The following OSBPL6 variants were observed in gnomAD, a reference collection of about 807,000 sequenced individuals.
OSBPL6 encodes oxysterol-binding protein-related protein 6.
OSBPL6 carries 49 observed loss-of-function variants against 125.8 expected under a neutral mutation model. That is an observed-to-expected ratio of 0.39 (90% CI 0.31 to 0.49). The LOEUF (loss-of-function observed/expected upper bound fraction) is 0.49, where lower values mean the gene tolerates loss of function less well. Ranked by LOEUF, OSBPL6 falls within the 20% of genes least tolerant of loss-of-function variation. The probability of loss-of-function intolerance (pLI) is 0.88; values close to 1 mark genes in which losing one functional copy is unlikely to be tolerated. For missense variants in OSBPL6, 986 were observed against 1,135.4 expected (o/e 0.87, Z 1.89); for synonymous variants, 394 against 391.8 (o/e 1.01, Z -0.07).
At position 178,354,095 on chromosome 2, in the gene OSBPL6, A is replaced by G. The variant is rs866087105; in HGVS notation, c.1153+4706A>G. ...TGAGCTCCTGAAGGAAGCACTAAAC[A>G]TGGAAAGAAACAACTGGTACCAGCC... is the stretch of plus-strand genomic sequence containing the variant. On this transcript the variant is annotated intron_variant, in intron 12 of 24. Coordinates refer to ENST00000190611, the MANE Select transcript of OSBPL6 (RefSeq NM_032523.4). Among the ~76,000 whole-genome samples the G allele has an allele frequency of 4.6e-5, 7 of 152,354 alleles. No individual in the cohort carries two copies. In the East Asian group the frequency reaches 1.2e-3, roughly 25 times the overall value.
chr2:178,359,836 C>A (rs1692162247), intron 12 of OSBPL6, among the ~76,000 whole-genome samples: 1 of 152,178 alleles, frequency 6.6e-6, no homozygotes, highest in Non-Finnish European at 1.5e-5. Flanking sequence ...ACTTGTAATA[C>A]CAGCACTTTG....
intron 1 of OSBPL6, among the ~76,000 whole-genome samples, chr2:178,213,507 G>A: frequency 6.6e-6 from 1 of 151,960 alleles, no homozygotes; most frequent in African/African-American, 2.4e-5. Context: ...TCATCACCCT[G>A]CCCTTTTTCA....
intron 1 of OSBPL6, among the ~76,000 whole-genome samples, chr2:178,259,625 A>G (rs1187959674): frequency 6.6e-6 from 1 of 151,580 alleles, no homozygotes; most frequent in Non-Finnish European, 1.5e-5. Flanking sequence ...CATCCCACCA[A>G]AAAAAAGTCA....
At chr2:178,237,959 C>T (rs1448722903) in intron 1 of OSBPL6, among the ~76,000 whole-genome samples, 1 of 152,208 alleles carries the variant, frequency 6.6e-6, no homozygotes, top group African/African-American at 2.4e-5. Context: ...TCTGACAATA[C>T]TCATTACTGG....
rs1001073194 is a variant in OSBPL6, at chr2:178,265,047, C to CT, written c.-350-19871dup. On this transcript the variant is annotated intron_variant, in intron 1 of 24. Transcript: ENST00000190611. ...TAGTACTGGCTGATTTTTTTTTTCA[C>CT]TTTTTTTTTAGAGATGAGGTCTTAC... Among the ~76,000 whole-genome samples the CT allele has an allele frequency of 1.1e-3, 166 of 149,048 alleles. 1 individual carries two copies. The highest frequency in any genetic ancestry group is 3.5e-3 in the African/African-American group (143 of 40,536).
At chr2:178,310,410 C>T (rs1687155980) in intron 3 of OSBPL6, among the ~76,000 whole-genome samples, 2 of 117,416 alleles carry the variant, frequency 1.7e-5, no homozygotes, top group South Asian at 3.0e-4. Context: ...CAAAACTGAA[C>T]TCTTTTTTTT....
intron 1 of OSBPL6, among the ~76,000 whole-genome samples, chr2:178,200,247 CTTTTT>C (rs767677596): frequency 9.1e-6 from 1 of 109,742 alleles, no homozygotes; most frequent in African/African-American, 3.8e-5. Flanking sequence ...TTCTTCAGAC[CTTTTT>C]TTTTTTTTTT....
At chr2:178,296,096 AT>A (rs1354983182) in intron 2 of OSBPL6, among the ~76,000 whole-genome samples, 1 of 152,130 alleles carries the variant, frequency 6.6e-6, no homozygotes, top group Non-Finnish European at 1.5e-5. Flanking sequence ...ATGGGGCCCA[AT>A]TGGCAACTCG....
intron 8 of OSBPL6, among the ~76,000 whole-genome samples, chr2:178,334,116 G>A (rs1689462670): frequency 6.6e-6 from 1 of 152,156 alleles, no homozygotes; most frequent in South Asian, 2.1e-4. Flanking sequence ...AAAAATCAAG[G>A]TTAAGTCAAC....
At chr2:178,313,826 G>A (rs561308365) in intron 3 of OSBPL6, among the ~76,000 whole-genome samples, 2 of 152,190 alleles carry the variant, frequency 1.3e-5, no homozygotes, top group Admixed American at 1.3e-4. Flanking sequence ...CCCCAGCAGT[G>A]ACTCAGTGGG....
intron 1 of OSBPL6, among the ~76,000 whole-genome samples, chr2:178,255,516 G>C (rs1574646463): frequency 6.6e-6 from 1 of 152,120 alleles, no homozygotes; most frequent in Non-Finnish European, 1.5e-5. Context: ...ATGAGATTTG[G>C]GTGGGGACAC....
intron 1 of OSBPL6, among the ~76,000 whole-genome samples, chr2:178,243,634 C>T (rs1489857357): frequency 2.0e-5 from 3 of 152,152 alleles, no homozygotes; most frequent in Admixed American, 2.0e-4. Context: ...TCATTCTCCT[C>T]CATTCATTCT....
chr2:178,358,588 A>G (rs1334535824), intron 12 of OSBPL6, among the ~76,000 whole-genome samples: 1 of 152,214 alleles, frequency 6.6e-6, no homozygotes, highest in Non-Finnish European at 1.5e-5. Context: ...CACCATACAC[A>G]AAAGTGAGCT....
At chr2:178,219,105 T>G (rs1367955447) in intron 1 of OSBPL6, among the ~76,000 whole-genome samples, 1 of 152,208 alleles carries the variant, frequency 6.6e-6, no homozygotes, top group Non-Finnish European at 1.5e-5. Context: ...GTAATCCTAC[T>G]TGTCCAATTT....
chr2:178,307,798 C>T (rs1391333775), intron 3 of OSBPL6, among the ~76,000 whole-genome samples: 5 of 152,074 alleles, frequency 3.3e-5, no homozygotes, highest in Admixed American at 1.3e-4. Flanking sequence ...GCAGTTGACC[C>T]GGCTCACCCT....
chr2:178,369,651 T>A (rs924144160), intron 13 of OSBPL6, among the ~76,000 whole-genome samples: 5 of 152,184 alleles, frequency 3.3e-5, no homozygotes, highest in Non-Finnish European at 5.9e-5. Context: ...AACCTCTGAG[T>A]TCATTTCTTA....
rs145341027 is a variant in OSBPL6, at chr2:178,231,614, C to T, written c.-351+36940C>T. Among the ~76,000 whole-genome samples, 7 of 151,044 alleles carry T rather than the reference C, an allele frequency of 4.6e-5. No individual in the cohort carries two copies. In the East Asian group the frequency reaches 1.4e-3, roughly 29 times the overall value. On this transcript the variant is annotated intron_variant, in intron 1 of 24. Coordinates refer to ENST00000190611, the MANE Select transcript of OSBPL6 (RefSeq NM_032523.4). ...CAATATGAGCAGCCCTTTCCCCCATCCTGACCACCACCAGGGTGGTCCCAT... is the reference window on the plus strand; with the variant it reads ...CAATATGAGCAGCCCTTTCCCCCATTCTGACCACCACCAGGGTGGTCCCAT...
intron 9 of OSBPL6, 116 bp from the exon 10 acceptor site, chr2:178,338,875 A>G: frequency 1.5e-6 from 1 of 657,292 alleles, no homozygotes; most frequent in South Asian, 2.0e-5. Flanking sequence ...TATCTTCATC[A>G]TATAAACATG....
intron 1 of OSBPL6, among the ~76,000 whole-genome samples, chr2:178,214,713 A>T (rs2090014062): frequency 6.6e-6 from 1 of 152,200 alleles, no homozygotes; most frequent in Non-Finnish European, 1.5e-5. Context: ...CGGGAGGCTG[A>T]GACAGGAGGA....
Sources: gnomAD v4.1 joint callset for allele counts (sites outside exome capture counted in the v4.1 genomes callset) on GRCh38, gnomAD v4.1.1 for gene constraint, MANE v1.5 for transcripts, NCBI Gene and HGNC (gene_info 2026-07-23, HGNC 2026-07-21) for gene names.